Variants in CDR2L observed in about 807,000 individuals in gnomAD.
CDR2L encodes the protein cerebellar degeneration related protein 2 like, also known as cerebellar degeneration-related protein 2-like.
Under a neutral mutation model 36.1 loss-of-function variants are expected in CDR2L, and 19 were observed. The observed-to-expected ratio is 0.53, with a 90% CI of 0.37 to 0.77. CDR2L has a LOEUF of 0.77. Among genes scored for constraint, CDR2L ranks in the 30% least tolerant of loss-of-function variants. The pLI, the probability that CDR2L is intolerant of heterozygous loss-of-function variation, is 0.00. For synonymous variants in CDR2L, 285 were observed against 280.4 expected (o/e 1.02, Z -0.16); for missense variants, 575 against 627.2 (o/e 0.92, Z 0.89).
At position 75,002,904 on chromosome 17, in the gene CDR2L, T is replaced by TC. The variant is rs1052060043; in HGVS notation, c.507-273dup. Among the ~76,000 whole-genome samples the TC allele has an allele frequency of 9.9e-5, 15 of 151,424 alleles. No individual in the cohort carries two copies. The highest frequency in any genetic ancestry group is 2.1e-4 in the Non-Finnish European group (14 of 67,864). ...AGAAGACACACCCCACGGCCTCTGCTCCCCCCTCGGACCTCTAGCCAGTGC... is the reference window on the plus strand; with the variant it reads ...AGAAGACACACCCCACGGCCTCTGCTCCCCCCCTCGGACCTCTAGCCAGTGC... On this transcript the variant is annotated intron_variant, in intron 4 of 4. Transcript: ENST00000337231. The surrounding 1 kb of genome is among the most constrained non-coding windows in gnomAD (Gnocchi z 4.1).
chr17:74,988,101 G>T lies in CDR2L; in HGVS notation c.58G>T (p.Asp20Tyr). The change falls in exon 1 of 5, where the codon GAC becomes TAC. Residue 20 changes from aspartate (D) to tyrosine (Y), a missense_variant. By Grantham distance (160) the Asp-to-Tyr change is radical. Transcript: ENST00000337231. The part of the protein sequence containing the change: ...FSAEEEESWY[D>Y]QQDLEQDLHL... ...CGCGGAGGAAGAGGAGTCCTGGTAC[G>T]ACCAGCAGGACCTGGAGCAGGGTGA... 1.3e-6 allele frequency: 2 copies of T among 1,532,870 alleles called. No individual in the cohort carries two copies. Among genetic ancestry groups the T allele is most frequent in the Non-Finnish European group, 1.8e-6 (2 of 1,140,716 alleles). 95.0% of individuals were successfully genotyped at this position (1,532,870 alleles called of 1,614,324 possible). A position where few individuals can be genotyped will look rare whatever the true frequency, so the allele number is the denominator to read the frequency against.
Position 75,002,159 on chromosome 17 carries a change from G to A in CDR2L, c.437G>A (p.Arg146Gln), listed in dbSNP as rs768783108. ...LRGLEQLRVLREKRERRRTIH... is the reference protein window; with the variant it reads ...LRGLEQLRVLQEKRERRRTIH... ...GGCCTGGAACAGCTGCGAGTGCTCC[G>A]GGAGAAGCGGGAACGCAGGCGTACC... The change falls in exon 4 of 5, where the codon CGG (arginine) becomes CAG (glutamine). Residue 146 changes from arginine to glutamine, a missense_variant. Arg to Gln is a conservative substitution (Grantham distance 43, BLOSUM62 1). Coordinates refer to ENST00000337231, the MANE Select transcript of CDR2L (RefSeq NM_014603.3). The surrounding 1 kb of genome is among the most constrained non-coding windows in gnomAD (Gnocchi z 4.1). 42 of 1,607,514 alleles carry A rather than the reference G, an allele frequency of 2.6e-5. No individual in the cohort carries two copies. The highest frequency in any genetic ancestry group is 2.6e-4 in the South Asian group (23 of 89,806).
chr17:74,999,325 C>CACACACA (rs368672422), intron 1 of CDR2L, among the ~76,000 whole-genome samples, 179 bp from the exon 2 acceptor site: 1 of 151,094 alleles, frequency 6.6e-6, no homozygotes, highest in Admixed American at 6.6e-5. Context: ...CAGACACACA[C>CACACACA]AAAAAGAACA....
At chr17:74,995,728 C>T (rs1414838137) in intron 1 of CDR2L, among the ~76,000 whole-genome samples, 5 of 152,082 alleles carry the variant, frequency 3.3e-5, no homozygotes, top group African/African-American at 1.2e-4. Flanking sequence ...GTCTCGAACT[C>T]CTGACTTCAA....
At position 75,001,356 on chromosome 17, in the gene CDR2L, C is replaced by T. The variant is rs776535452; in HGVS notation, c.208C>T (p.Leu70=). 5 of 1,608,240 alleles carry T rather than the reference C, an allele frequency of 3.1e-6. No individual in the cohort carries two copies. The highest frequency in any genetic ancestry group is 1.7e-5 in the Admixed American group (1 of 58,832). Residue 70 remains leucine (L), a synonymous_variant, in exon 3 of 5, where the codon CTG becomes TTG. Transcript: ENST00000337231. ...CCACCCCCAGTACCTAACCAAGCAG[C>T]TGGACACGCTGCGGCACGTGAACGA... is the stretch of plus-strand genomic sequence containing the variant. ...VQEIEYLTKQ[L]DTLRHVNEQH...
chr17:74,997,358 G>A (rs922089444), intron 1 of CDR2L, among the ~76,000 whole-genome samples: 8 of 151,972 alleles, frequency 5.3e-5, no homozygotes, highest in African/African-American at 1.7e-4. Flanking sequence ...GGATTACGGC[G>A]TGAGCCACCG....
In CDR2L at chr17:75,004,087, CT is replaced by C. The variant is rs1170394660; in HGVS notation, c.*14del. 5 of 1,589,470 alleles carry C rather than the reference CT, an allele frequency of 3.1e-6. No homozygotes were observed. The highest frequency in any genetic ancestry group is 1.3e-5 in the African/African-American group (1 of 74,588). On this transcript the variant is annotated 3_prime_UTR_variant, in exon 5 of 5. Transcript: ENST00000337231. ...CAGCAGCAAGTGACCCTTCTCCGGC[CT>C]GCAGCCTCCCCCAGGGTGGAAGCCG...
At position 75,004,135 on chromosome 17, in the gene CDR2L, G is replaced by A. The variant is rs914448327; in HGVS notation, c.*61G>A. Reference sequence around the variant, plus strand: ...GCCGTGGGGTCCCTCAGGCCTGGGCGGTGCAGCTTCCAGAGAGCGAGCGCC... The same window carrying A: ...GCCGTGGGGTCCCTCAGGCCTGGGCAGTGCAGCTTCCAGAGAGCGAGCGCC... On this transcript the variant is annotated 3_prime_UTR_variant, in exon 5 of 5. Transcript: ENST00000337231. The A allele has an allele frequency of 4.9e-6, 7 of 1,443,192 alleles. No individual in the cohort carries two copies. Among genetic ancestry groups the A allele is most frequent in the Non-Finnish European group, 5.6e-6 (6 of 1,074,970 alleles). The allele number at this position is 1,443,192 out of a possible 1,614,324, so 89.4% of individuals were successfully genotyped here. A position where few individuals can be genotyped will look rare whatever the true frequency, so the allele number is the denominator to read the frequency against.
At chr17:75,003,094 C>A (rs1235079681) in intron 4 of CDR2L, 89 bp from the exon 5 acceptor site, 2 of 1,376,412 alleles carry the variant, frequency 1.5e-6, no homozygotes, top group Non-Finnish European at 2.0e-6. Flanking sequence ...GATGTAAGCG[C>A]CCTGGCTGGG....
chr17:75,001,524 G>C (rs1402083138), intron 3 of CDR2L, 35 bp downstream of exon 3: 1 of 1,492,896 alleles, frequency 6.7e-7, no homozygotes, highest in South Asian at 1.3e-5. Flanking sequence ...GGGCGGGCGA[G>C]GGAGAGCCCC....
chr17:74,999,635 C>A lies in CDR2L; in HGVS notation c.192+19C>A. ...GATCGAGGTGAGGGCCCTGCATGTG[C>A]TTGCCCACACCCCTCGAGGGCCCCT... On this transcript the variant is annotated intron_variant, in intron 2 of 4. Transcript: ENST00000337231. The A allele has an allele frequency of 1.4e-6, 2 of 1,446,944 alleles. No homozygotes were observed. Among genetic ancestry groups the A allele is most frequent in the South Asian group, 1.2e-5 (1 of 80,834 alleles). 89.6% of individuals were successfully genotyped at this position (1,446,944 alleles called of 1,614,324 possible). A position where few individuals can be genotyped will look rare whatever the true frequency, so the allele number is the denominator to read the frequency against.
In CDR2L at chr17:75,002,463, A is replaced by G. The variant is rs1014486904; in HGVS notation, c.506+235A>G. Among the ~76,000 whole-genome samples, 2 of 152,176 alleles carry G rather than the reference A, an allele frequency of 1.3e-5. No homozygotes were observed. Among genetic ancestry groups the G allele is most frequent in the African/African-American group, 4.8e-5 (2 of 41,420 alleles). Reference sequence around the variant, plus strand: ...GTGTTTTATTATGCCTACTCTCCAGATGATAAAACTGAAGCCCAGAGGTTG... The same window carrying G: ...GTGTTTTATTATGCCTACTCTCCAGGTGATAAAACTGAAGCCCAGAGGTTG... On this transcript the variant is annotated intron_variant, in intron 4 of 4. Coordinates refer to ENST00000337231, the MANE Select transcript of CDR2L (RefSeq NM_014603.3). The surrounding 1 kb of genome is among the most constrained non-coding windows in gnomAD (Gnocchi z 4.1).
intron 1 of CDR2L, among the ~76,000 whole-genome samples, chr17:74,993,785 T>C (rs2039810039): frequency 6.6e-6 from 1 of 152,234 alleles, no homozygotes; most frequent in Admixed American, 6.5e-5. Context: ...TGCTCTAGGA[T>C]AGCAGCTTTG....
rs769237625 is a variant in CDR2L, at chr17:75,003,542, A to C, written c.866A>C (p.Gln289Pro). 8 of 1,513,580 alleles carry C rather than the reference A, an allele frequency of 5.3e-6. No homozygotes were observed. The African/African-American group carries it at 1.1e-4, about 21-fold the overall frequency. The allele number at this position is 1,513,580 out of a possible 1,614,324, so 93.8% of individuals were successfully genotyped here. Residue 289 changes from glutamine (Q) to proline (P), a missense_variant, in exon 5 of 5, where the codon CAG becomes CCG. Transcript: ENST00000337231. ...CAGGCCCCTGAGGCCGACGATCCCCAGCCCGGCCGCGGGGACGACTTGGGC... is the reference window on the plus strand; with the variant it reads ...CAGGCCCCTGAGGCCGACGATCCCCCGCCCGGCCGCGGGGACGACTTGGGC... ...LTQAPEADDPQPGRGDDLGAQ... is the reference protein window; with the variant it reads ...LTQAPEADDPPPGRGDDLGAQ...
Position 75,004,119 on chromosome 17 carries a change from T to C in CDR2L, c.*45T>C, listed in dbSNP as rs1345986318. The C allele has an allele frequency of 1.3e-5, 20 of 1,528,352 alleles. No homozygotes were observed. The highest frequency in any genetic ancestry group is 7.6e-5 in the South Asian group (6 of 79,256). 94.7% of individuals were successfully genotyped at this position (1,528,352 alleles called of 1,614,324 possible). On this transcript the variant is annotated 3_prime_UTR_variant, in exon 5 of 5. Coordinates refer to ENST00000337231, the MANE Select transcript of CDR2L (RefSeq NM_014603.3). The stretch of plus-strand genomic sequence containing the variant: ...CTCCCCCAGGGTGGAAGCCGTGGGG[T>C]CCCTCAGGCCTGGGCGGTGCAGCTT...
chr17:74,994,858 C>T (rs2039815827), intron 1 of CDR2L, among the ~76,000 whole-genome samples: 1 of 152,028 alleles, frequency 6.6e-6, no homozygotes. Flanking sequence ...ATCACGAGGT[C>T]AAGAGATCGA....
chr17:74,990,607 G>A (rs2039790760), intron 1 of CDR2L, among the ~76,000 whole-genome samples: 1 of 152,234 alleles, frequency 6.6e-6, no homozygotes, highest in South Asian at 2.1e-4. Context: ...AGGAGAGGGA[G>A]GGAAGAAGGC....
intron 1 of CDR2L, among the ~76,000 whole-genome samples, chr17:74,996,726 C>A (rs2039828554): frequency 6.6e-6 from 1 of 152,102 alleles, no homozygotes. Flanking sequence ...AGGTTCCAAT[C>A]CTACAGGGTA....
intron 3 of CDR2L, 147 bp from the exon 4 acceptor site, chr17:75,001,917 C>A (rs1043030596): frequency 6.0e-6 from 4 of 670,240 alleles, no homozygotes; most frequent in Non-Finnish European, 9.7e-6. Flanking sequence ...TAGAATTCCC[C>A]ATCCTACCTC....
Sources: gnomAD v4.1 joint callset for allele counts (sites outside exome capture counted in the v4.1 genomes callset) on GRCh38, gnomAD v4.1.1 for gene constraint, Gnocchi (gnomAD v3.1) non-coding constraint, MANE v1.5 for transcripts, NCBI Gene and HGNC (gene_info 2026-07-23, HGNC 2026-07-21) for gene names.